The following CLUAP1 variants were observed in gnomAD, a reference collection of about 807,000 sequenced individuals.
The protein encoded by CLUAP1 is intraflagellar transport 38.
CLUAP1 carries 50 observed loss-of-function variants against 55.0 expected under a neutral mutation model. The ratio of observed to expected loss-of-function variants is 0.91; its 90% CI spans 0.72 to 1.15. CLUAP1 has a LOEUF of 1.15. CLUAP1 is among the 50% of genes most tolerant of loss of function. The pLI is 0.00. For synonymous variants in CLUAP1, 195 were observed against 175.4 expected (o/e 1.11, Z -0.88); for missense variants, 530 against 507.6 (o/e 1.04, Z -0.42).
chr16:3,515,931 A>G (rs982781370), intron 6 of CLUAP1, among the ~76,000 whole-genome samples: 5 of 152,214 alleles, frequency 3.3e-5, no homozygotes, highest in Non-Finnish European at 2.9e-5. Flanking sequence ...AGGGTTTTCT[A>G]AATTCCAGAC....
At chr16:3,517,818 G>T (rs530379046) in intron 6 of CLUAP1, among the ~76,000 whole-genome samples, 1 of 152,306 alleles carries the variant, frequency 6.6e-6, no homozygotes, top group East Asian at 1.9e-4. Flanking sequence ...GGATTGAGGG[G>T]CATTCTACAG....
At chr16:3,526,577 A>G (rs1437331866) in intron 9 of CLUAP1, 93 bp downstream of exon 9, 1 of 667,130 alleles carries the variant, frequency 1.5e-6, no homozygotes, top group African/African-American at 1.9e-5. Flanking sequence ...ATTTTTTAAT[A>G]TGTATTTTCT....
At chr16:3,515,359 G>C in intron 5 of CLUAP1, 149 bp from the exon 6 acceptor site, 1 of 585,760 alleles carries the variant, frequency 1.7e-6, no homozygotes, top group Non-Finnish European at 2.9e-6. Flanking sequence ...GACATTATAG[G>C]AGGTGATGGT....
intron 8 of CLUAP1, among the ~76,000 whole-genome samples, chr16:3,525,765 C>G (rs190408293): frequency 6.6e-6 from 1 of 152,102 alleles, no homozygotes; most frequent in African/African-American, 2.4e-5. Context: ...TGAGGTTTCC[C>G]TATGTTGCCC....
In CLUAP1 at chr16:3,522,453, C is replaced by T. The variant is rs548185795; in HGVS notation, c.714-705C>T. Among the ~76,000 whole-genome samples the T allele has an allele frequency of 4.0e-4, 61 of 152,200 alleles. 1 individual carries two copies. Among genetic ancestry groups the T allele is most frequent in the South Asian group, 1.2e-3 (6 of 4,818 alleles). ...TGCTGGGATTACAGGCGTGCGCCAC[C>T]GCACCCGGCCAACAGTAGAACATTA... On this transcript the variant is annotated intron_variant, in intron 7 of 11. Coordinates refer to ENST00000576634, the MANE Select transcript of CLUAP1 (RefSeq NM_015041.3).
upstream of CLUAP1, chr16:3,500,941 T>G: frequency 3.9e-6 from 4 of 1,026,832 alleles, no homozygotes; most frequent in South Asian, 1.4e-5. Flanking sequence ...TCGCTTCGCT[T>G]TTTGTTTGTC....
rs142340773 is a variant in CLUAP1 at position 3,518,544 on chromosome 16, T to C, written c.580-1359T>C. 3.9e-3 allele frequency among the ~76,000 whole-genome samples: 595 copies of C among 152,294 alleles called. 8 individuals are homozygous for C. The East Asian group carries it at 0.04, about 10-fold the overall frequency. On this transcript the variant is annotated intron_variant, in intron 6 of 11. Coordinates refer to ENST00000576634, the MANE Select transcript of CLUAP1 (RefSeq NM_015041.3). ...ATCTTTCTTGTTTGAGGAACAGATA[T>C]GTTTAAGGTGGGATAAATTTACTAG...
chr16:3,499,610 C>A (rs2151035790), upstream of CLUAP1, among the ~76,000 whole-genome samples: 1 of 152,312 alleles, frequency 6.6e-6, no homozygotes, highest in African/African-American at 2.4e-5. Context: ...AATGTTTTCT[C>A]CATTCTCTAA....
At chr16:3,534,654 A>T (rs1016400663) in intron 11 of CLUAP1, 3 of 152,394 alleles carry the variant, frequency 2.0e-5, no homozygotes, top group East Asian at 3.9e-4. Flanking sequence ...CTCTCTAAGA[A>T]CCATCAGGTT....
chr16:3,505,682 G>C (rs2151042173), intron 2 of CLUAP1, among the ~76,000 whole-genome samples: 1 of 152,280 alleles, frequency 6.6e-6, no homozygotes, highest in South Asian at 2.1e-4. Flanking sequence ...AGCCCCTCAT[G>C]GCAGAGTGAC....
intron 8 of CLUAP1, among the ~76,000 whole-genome samples, chr16:3,525,047 G>C (rs1272786517): frequency 6.6e-6 from 1 of 152,172 alleles, no homozygotes; most frequent in Non-Finnish European, 1.5e-5. Flanking sequence ...TGTTGTCCAG[G>C]AGGGCTAACT....
At position 3,509,199 on chromosome 16, in the gene CLUAP1, T is replaced by C. The variant is rs551752274; in HGVS notation, c.399+731T>C. ...CTCTTGAGCCCAGGCAGTCAAGCCATGTTCATGGCACTGCGCTCCCGCCTA... is the reference window on the plus strand; with the variant it reads ...CTCTTGAGCCCAGGCAGTCAAGCCACGTTCATGGCACTGCGCTCCCGCCTA... On this transcript the variant is annotated intron_variant, in intron 4 of 11. Transcript: ENST00000576634. Among the ~76,000 whole-genome samples the C allele has an allele frequency of 5.3e-5, 8 of 152,256 alleles. No individual in the cohort carries two copies. In the South Asian group the frequency reaches 1.5e-3, roughly 28 times the overall value.
At chr16:3,506,467 A>G (rs754339251) in intron 3 of CLUAP1, 52 bp downstream of exon 3, 36 of 1,383,654 alleles carry the variant, frequency 2.6e-5, no homozygotes, top group Non-Finnish European at 3.4e-5. Flanking sequence ...ACTAGAAAGG[A>G]TGACTCCTTG....
At chr16:3,512,897 G>T (rs1314109292) in intron 5 of CLUAP1, among the ~76,000 whole-genome samples, 1 of 152,082 alleles carries the variant, frequency 6.6e-6, no homozygotes, top group Non-Finnish European at 1.5e-5. Flanking sequence ...AGCCAGGATG[G>T]TCTCAATCTC....
upstream of CLUAP1, chr16:3,496,376 C>T (rs1216112146): frequency 1.6e-5 from 19 of 1,182,736 alleles, no homozygotes; most frequent in South Asian, 1.8e-4. Context: ...TCGCACCAAC[C>T]GGCCACCTCT....
upstream of CLUAP1, among the ~76,000 whole-genome samples, chr16:3,498,647 C>T (rs1415253439): frequency 6.6e-6 from 1 of 151,952 alleles, no homozygotes; most frequent in African/African-American, 2.4e-5. Flanking sequence ...ATCATGAGGT[C>T]GGGAGATCCA....
At chr16:3,524,080 CTG>C (rs2037891917) in intron 8 of CLUAP1, among the ~76,000 whole-genome samples, 1 of 152,212 alleles carries the variant, frequency 6.6e-6, no homozygotes, top group East Asian at 1.9e-4. Flanking sequence ...AGGAGGATCA[CTG>C]GAGCCCAGGA....
intron 11 of CLUAP1, 43 bp from the exon 12 acceptor site, chr16:3,536,079 T>A (rs748089462): frequency 6.2e-7 from 1 of 1,603,898 alleles, no homozygotes; most frequent in East Asian, 2.2e-5. Context: ...ATGTCAGGAA[T>A]GAGGCAGGAT....
Position 3,537,410 on chromosome 16 carries a change from C to G in CLUAP1, c.*1139C>G, listed in dbSNP as rs2151075290. ...TTAGCTGGGAGTGGTGGCAAGCGCC[C>G]TTGGGTCCAGCTACTCAGGAGGCCA... On this transcript the variant is annotated 3_prime_UTR_variant, in exon 12 of 12. Coordinates refer to ENST00000576634, the MANE Select transcript of CLUAP1 (RefSeq NM_015041.3). The G allele has an allele frequency of 6.6e-6, 1 of 151,900 alleles. No individual in the cohort carries two copies. The highest frequency in any genetic ancestry group is 2.1e-4 in the South Asian group (1 of 4,812). The allele number at this position is 151,900 out of a possible 1,614,324, so 9.4% of individuals were successfully genotyped here. A position where few individuals can be genotyped will look rare whatever the true frequency, so the allele number is the denominator to read the frequency against.
Sources: gnomAD v4.1 joint callset for allele counts (sites outside exome capture counted in the v4.1 genomes callset) on GRCh38, gnomAD v4.1.1 for gene constraint, MANE v1.5 for transcripts, NCBI Gene and HGNC (gene_info 2026-07-23, HGNC 2026-07-21) for gene names.